Variants in PHLDB2 observed in about 807,000 individuals in gnomAD.
PHLDB2 encodes the protein pleckstrin homology like domain family B member 2.
Under a neutral mutation model 123.6 loss-of-function variants are expected in PHLDB2, and 71 were observed. The ratio of observed to expected loss-of-function variants is 0.57; its 90% CI spans 0.47 to 0.70. The LOEUF is 0.70. Ranked by LOEUF, PHLDB2 falls within the 30% of genes least tolerant of loss-of-function variation. The pLI is 0.00. For synonymous variants in PHLDB2, 547 were observed against 541.6 expected, an observed-to-expected ratio of 1.01 and a Z score of -0.14; for missense variants, 1,446 against 1,519.5, an observed-to-expected ratio of 0.95 and a Z score of 0.80.
At chr3:111,968,797 T>A (rs146033375) in intron 15 of PHLDB2, among the ~76,000 whole-genome samples, 70 of 152,332 alleles carry the variant, frequency 4.6e-4, no homozygotes, top group Non-Finnish European at 9.1e-4. Flanking sequence ...TGCCCAACGC[T>A]CTGCCAAATT....
At chr3:111,907,365 A>G (rs1222824022) in intron 2 of PHLDB2, among the ~76,000 whole-genome samples, 1 of 152,216 alleles carries the variant, frequency 6.6e-6, no homozygotes, top group Non-Finnish European at 1.5e-5. Flanking sequence ...TTCCAAAGGC[A>G]ACACTTCCAT....
intron 1 of PHLDB2, among the ~76,000 whole-genome samples, chr3:111,768,829 G>A (rs1197134070): frequency 6.6e-6 from 1 of 152,160 alleles, no homozygotes; most frequent in African/African-American, 2.4e-5. Context: ...ACATTCAGAG[G>A]TCCTTGGAGA....
intron 1 of PHLDB2, among the ~76,000 whole-genome samples, chr3:111,794,806 C>T (rs1245218489): frequency 1.3e-5 from 2 of 152,158 alleles, no homozygotes; most frequent in Non-Finnish European, 2.9e-5. Context: ...CCATTCTCAT[C>T]TTTGCTTGAG....
chr3:111,973,238 G>A (rs2072328988), intron 16 of PHLDB2, among the ~76,000 whole-genome samples: 1 of 110,028 alleles, frequency 9.1e-6, no homozygotes, highest in East Asian at 3.8e-4. Flanking sequence ...TGTTGAAAAC[G>A]GGGGAAAAAT....
intron 1 of PHLDB2, among the ~76,000 whole-genome samples, chr3:111,802,042 T>C (rs1462801831): frequency 6.6e-6 from 1 of 152,204 alleles, no homozygotes; most frequent in African/African-American, 2.4e-5. Context: ...TTTTAGAATG[T>C]AAAACAATAA....
intron 1 of PHLDB2, among the ~76,000 whole-genome samples, chr3:111,788,313 A>T (rs563587702): frequency 4.6e-5 from 7 of 152,334 alleles, no homozygotes; most frequent in Middle Eastern, 3.4e-3. Flanking sequence ...CCTTCCTATG[A>T]CCAAAAACTA....
intron 1 of PHLDB2, among the ~76,000 whole-genome samples, chr3:111,784,469 G>A (rs1465672305): frequency 6.6e-6 from 1 of 152,108 alleles, no homozygotes; most frequent in African/African-American, 2.4e-5. Context: ...AGTGGTAGTG[G>A]AAGCTTCTGG....
chr3:111,948,859 T>C lies in PHLDB2; in HGVS notation c.2488-73T>C, dbSNP rs773409222. On this transcript the variant is annotated intron_variant, in intron 9 of 17. Coordinates refer to ENST00000431670, the MANE Select transcript of PHLDB2 (RefSeq NM_001134438.2). The stretch of plus-strand genomic sequence containing the variant: ...CCGCTCTAAGCTAACTTCATTGTAC[T>C]GGGAACATTAATACTCTCGCATGCC... The C allele has an allele frequency of 2.0e-6, 3 of 1,467,682 alleles. No individual in the cohort carries two copies. In the African/African-American group the frequency reaches 4.2e-5, roughly 20 times the overall value. 90.9% of individuals were successfully genotyped at this position (1,467,682 alleles called of 1,614,324 possible).
At chr3:111,953,869 A>G in intron 11 of PHLDB2, 61 bp from the exon 12 acceptor site, 1 of 1,341,624 alleles carries the variant, frequency 7.5e-7, no homozygotes, top group Non-Finnish European at 1.1e-6. Flanking sequence ...GGATGTGGCC[A>G]TTTCCTAAAG....
upstream of PHLDB2, among the ~76,000 whole-genome samples, chr3:111,855,708 A>T (rs1169593087): frequency 7.7e-6 from 1 of 129,546 alleles, no homozygotes; most frequent in African/African-American, 3.0e-5. Flanking sequence ...GCGATCATGG[A>T]TCACCCAGCC....
At chr3:111,889,729 A>G (rs2066371779) in intron 2 of PHLDB2, among the ~76,000 whole-genome samples, 1 of 152,138 alleles carries the variant, frequency 6.6e-6, no homozygotes, top group South Asian at 2.1e-4. Context: ...AAGCATTGGA[A>G]TTTCACAAAA....
rs1559855410 is a variant in PHLDB2 at position 111,831,035 on chromosome 3, AAGGAAGG to A, written c.-48-14784_-48-14778del. The stretch of plus-strand genomic sequence containing the variant: ...AAAGAAAGAAAGAAAGAAAGAAAGG[AAGGAAGG>A]AAGAAAGAGAAAAGAGAGAGATAGA... On this transcript the variant is annotated intron_variant, in intron 1 of 17. Coordinates refer to the PHLDB2 transcript ENST00000393923. Among the ~76,000 whole-genome samples the A allele has an allele frequency of 1.5e-3, 106 of 69,396 alleles. 10 individuals carry two copies. Among genetic ancestry groups the A allele is most frequent in the Non-Finnish European group, 2.4e-3 (70 of 29,402 alleles). The allele number at this position is 69,396 out of a possible 152,430, so 45.5% of individuals were successfully genotyped here. A position where few individuals can be genotyped will look rare whatever the true frequency, so the allele number is the denominator to read the frequency against.
chr3:111,902,070 C>T (rs1444314258), intron 2 of PHLDB2, among the ~76,000 whole-genome samples: 1 of 152,030 alleles, frequency 6.6e-6, no homozygotes, highest in Non-Finnish European at 1.5e-5. Context: ...TTTCATAACC[C>T]ACCCATCTGC....
intron 1 of PHLDB2, among the ~76,000 whole-genome samples, chr3:111,803,862 T>C (rs1252583657): frequency 6.6e-6 from 1 of 152,212 alleles, no homozygotes; most frequent in Non-Finnish European, 1.5e-5. Flanking sequence ...TTTGTTCCTT[T>C]CTATTCCAAA....
At chr3:111,768,989 A>T (rs553073525) in intron 1 of PHLDB2, among the ~76,000 whole-genome samples, 1 of 152,326 alleles carries the variant, frequency 6.6e-6, no homozygotes, top group East Asian at 1.9e-4. Context: ...GGGCCAATGA[A>T]AACAATGCCT....
intron 4 of PHLDB2, 96 bp downstream of exon 4, chr3:111,919,311 G>A: frequency 7.9e-7 from 1 of 1,268,712 alleles, no homozygotes; most frequent in Non-Finnish European, 1.1e-6. Context: ...CAGATACATA[G>A]ACGTCAACAC....
At chr3:111,828,871 A>G (rs542711560) in intron 1 of PHLDB2, among the ~76,000 whole-genome samples, 11 of 152,324 alleles carry the variant, frequency 7.2e-5, no homozygotes, top group Admixed American at 4.6e-4. Context: ...GAAAACATCT[A>G]TTGAGTCCCT....
chr3:111,944,680 T>A (rs2070171543), intron 8 of PHLDB2, among the ~76,000 whole-genome samples: 1 of 149,104 alleles, frequency 6.7e-6, no homozygotes, highest in Non-Finnish European at 1.5e-5. Flanking sequence ...GTTTTTTTTT[T>A]GTTTGTTTTG....
intron 1 of PHLDB2, among the ~76,000 whole-genome samples, chr3:111,810,545 C>T (rs6438015): frequency 0.66 from 100,643 of 151,860 alleles, 33,609 homozygotes; most frequent in Middle Eastern, 0.87. Flanking sequence ...TCTGTCGTCT[C>T]CTTTTAAGAC....
Sources: allele counts gnomAD v4.1 joint callset (sites outside exome capture counted in the v4.1 genomes callset), GRCh38; gene constraint gnomAD v4.1.1; transcripts MANE v1.5; gene names NCBI Gene and HGNC (gene_info 2026-07-23, HGNC 2026-07-21).